Variants in MAGI2 observed in about 807,000 individuals in gnomAD.
The protein encoded by MAGI2 is membrane associated guanylate kinase, WW and PDZ domain containing 2.
A neutral mutation model predicts 133.3 loss-of-function variants in MAGI2; 35 were observed. The observed-to-expected ratio is 0.26, with a 90% CI of 0.20 to 0.35. The LOEUF is 0.35. MAGI2 is among the 10% of genes least tolerant of loss of function. The probability of loss-of-function intolerance (pLI) is 1.00; values close to 1 mark genes in which losing one functional copy is unlikely to be tolerated. For synonymous variants in MAGI2, 729 were observed against 710.6 expected (o/e 1.03, Z -0.41); for missense variants, 1,636 against 1,863.4 (o/e 0.88, Z 2.25).
intron 2 of MAGI2, among the ~76,000 whole-genome samples, chr7:78,685,050 G>T (rs321968): frequency 2.6e-5 from 4 of 152,074 alleles, no homozygotes; most frequent in African/African-American, 9.7e-5. Context: ...AACACATAAA[G>T]TATTTTATTT....
At chr7:78,303,378 C>A (rs1309321166) in intron 9 of MAGI2, among the ~76,000 whole-genome samples, 8 of 33,354 alleles carry the variant, frequency 2.4e-4, no homozygotes, top group East Asian at 1.1e-3. Flanking sequence ...AAACTGTCTC[C>A]AAAAAAAAAA....
At chr7:78,242,354 G>A (rs376626725) in intron 10 of MAGI2, among the ~76,000 whole-genome samples, 1 of 152,196 alleles carries the variant, frequency 6.6e-6, no homozygotes, top group African/African-American at 2.4e-5. Flanking sequence ...TGCATGGAGG[G>A]GAGGTGCTCA....
intron 20 of MAGI2, among the ~76,000 whole-genome samples, chr7:78,112,455 T>C (rs1819448310): frequency 2.0e-5 from 3 of 152,168 alleles, no homozygotes; most frequent in South Asian, 4.1e-4. Context: ...GTTAGGCATA[T>C]CTGAACAGGG....
intron 1 of MAGI2, among the ~76,000 whole-genome samples, chr7:79,023,606 C>T (rs1809559453): frequency 6.6e-6 from 1 of 152,068 alleles, no homozygotes. Context: ...TGCTCAAACG[C>T]TTTTTGATCA....
chr7:78,737,428 C>T (rs1357471895), intron 2 of MAGI2, among the ~76,000 whole-genome samples: 1 of 152,156 alleles, frequency 6.6e-6, no homozygotes, highest in Non-Finnish European at 1.5e-5. Context: ...GTTTTCGATT[C>T]TACATTGCAA....
intron 2 of MAGI2, among the ~76,000 whole-genome samples, chr7:78,905,037 T>A (rs1797896242): frequency 6.6e-6 from 1 of 152,226 alleles, no homozygotes; most frequent in South Asian, 2.1e-4. Flanking sequence ...TTCTTTTCTG[T>A]ATGCTCTACC....
chr7:79,404,988 T>A (rs939900451), intron 1 of MAGI2, among the ~76,000 whole-genome samples: 24 of 151,994 alleles, frequency 1.6e-4, no homozygotes, highest in African/African-American at 5.1e-4. Flanking sequence ...TGCATGGGTC[T>A]CCTCCTGGTG....
Position 78,256,198 on chromosome 7 carries a change from C to T in MAGI2, c.1792G>A (p.Ala598Thr). 1.2e-6 allele frequency: 2 copies of T among 1,613,992 alleles called. No homozygotes were observed. Among genetic ancestry groups the T allele is most frequent in the Non-Finnish European group, 1.7e-6 (2 of 1,179,998 alleles). Residue 598 changes from alanine to threonine, a missense_variant, in exon 10 of 22, where the codon GCC becomes ACC. Ala to Thr is a moderately conservative substitution (Grantham distance 58). Coordinates refer to ENST00000354212, the MANE Select transcript of MAGI2 (RefSeq NM_012301.4). ...DDNVSMASSG[A>T]TQAELMTLTI... ...AAGGTCATAAGTTCAGCTTGGGTGG[C>T]CCCAGATGAAGCCATAGACACATTG...
intron 2 of MAGI2, among the ~76,000 whole-genome samples, chr7:78,840,426 C>G (rs1332102820): frequency 6.6e-6 from 1 of 152,026 alleles, no homozygotes; most frequent in Non-Finnish European, 1.5e-5. Flanking sequence ...AGAGCCCAGC[C>G]TCAGACTGTA....
At chr7:79,233,817 G>A (rs1261431791) in intron 1 of MAGI2, among the ~76,000 whole-genome samples, 1 of 146,030 alleles carries the variant, frequency 6.8e-6, no homozygotes, top group African/African-American at 2.5e-5. Context: ...ATTGTTATGT[G>A]TGAATTTGAT....
intron 12 of MAGI2, 119 bp downstream of exon 12, chr7:78,194,755 T>C: frequency 4.7e-6 from 4 of 847,150 alleles, no homozygotes; most frequent in Non-Finnish European, 6.8e-6. Flanking sequence ...GGCTCTGCTC[T>C]TGAAACACTT....
At chr7:78,194,633 A>G (rs1421677219) in intron 12 of MAGI2, among the ~76,000 whole-genome samples, 4 of 152,114 alleles carry the variant, frequency 2.6e-5, no homozygotes, top group African/African-American at 9.7e-5. Flanking sequence ...TATATTCCCG[A>G]TTTTCTTCAG....
intron 21 of MAGI2, among the ~76,000 whole-genome samples, chr7:78,030,080 C>T (rs575270612): frequency 6.6e-6 from 1 of 152,256 alleles, no homozygotes; most frequent in African/African-American, 2.4e-5. Context: ...CTGGTTTCCA[C>T]CTCTAATTCT....
intron 1 of MAGI2, among the ~76,000 whole-genome samples, chr7:79,446,775 C>T (rs1563233070): frequency 6.6e-6 from 1 of 151,964 alleles, no homozygotes; most frequent in Non-Finnish European, 1.5e-5. Flanking sequence ...ACGGTGAAAC[C>T]CCATATCTAC....
At chr7:78,391,383 A>T (rs201637202) in intron 6 of MAGI2, among the ~76,000 whole-genome samples, 1 of 151,952 alleles carries the variant, frequency 6.6e-6, no homozygotes, top group African/African-American at 2.4e-5. Flanking sequence ...AACTTTAAAA[A>T]TTCTCTGGCA....
At chr7:78,893,532 T>A (rs6961796) in intron 2 of MAGI2, among the ~76,000 whole-genome samples, 78,582 of 151,776 alleles carry the variant, frequency 0.52, 21,989 homozygotes, top group South Asian at 0.68. Context: ...CATATACACC[T>A]TGGAATACTA....
At chr7:78,218,787 T>C (rs1038872976) in intron 10 of MAGI2, among the ~76,000 whole-genome samples, 3 of 152,202 alleles carry the variant, frequency 2.0e-5, no homozygotes, top group African/African-American at 4.8e-5. Context: ...GGGCTCATTC[T>C]CAGCTTGGAT....
chr7:78,427,668 A>AC (rs1401641658), intron 6 of MAGI2, among the ~76,000 whole-genome samples: 1 of 151,918 alleles, frequency 6.6e-6, no homozygotes, highest in East Asian at 1.9e-4. Flanking sequence ...ACAAAAAAAA[A>AC]AAAAAACAGC....
chr7:78,444,892 T>C, intron 6 of MAGI2, among the ~76,000 whole-genome samples: 1 of 146,354 alleles, frequency 6.8e-6, no homozygotes, highest in East Asian at 2.0e-4. Flanking sequence ...TGTATACATA[T>C]GTGTGTATAT....
Sources: allele counts gnomAD v4.1 joint callset (sites outside exome capture counted in the v4.1 genomes callset), GRCh38; gene constraint gnomAD v4.1.1; transcripts MANE v1.5; gene names NCBI Gene and HGNC (gene_info 2026-07-23, HGNC 2026-07-21).